The following EDRF1 variants were observed in gnomAD, a reference collection of about 807,000 sequenced individuals.
The protein encoded by EDRF1 is erythroid differentiation-related factor 1.
In EDRF1, 69 loss-of-function variants were observed where a neutral mutation model predicts 148.7. The ratio of observed to expected loss-of-function variants is 0.46; its 90% CI spans 0.38 to 0.57. The LOEUF (loss-of-function observed/expected upper bound fraction) is 0.57, where lower values mean the gene tolerates loss of function less well. EDRF1 is among the 20% of genes least tolerant of loss of function. The pLI, the probability that EDRF1 is intolerant of heterozygous loss-of-function variation, is 0.00. For missense variants in EDRF1, 1,118 were observed against 1,478.7 expected (o/e 0.76, Z 4.00); for synonymous variants, 515 against 532.8 (o/e 0.97, Z 0.46).
chr10:125,744,532 T>C (rs1459036089), intron 18 of EDRF1, among the ~76,000 whole-genome samples: 1 of 152,150 alleles, frequency 6.6e-6, no homozygotes, highest in African/African-American at 2.4e-5. Context: ...GGGATACAAA[T>C]GTTGCCCTCA....
chr10:125,756,634 A>C (rs1249333317), intron 24 of EDRF1: 4 of 302,600 alleles, frequency 1.3e-5, no homozygotes, highest in Non-Finnish European at 2.5e-5. Flanking sequence ...CACACGTAGG[A>C]TTGTGATATC....
At chr10:125,762,489 T>TA (rs546420898) in intron 24 of EDRF1, among the ~76,000 whole-genome samples, 8,294 of 141,376 alleles carry the variant, frequency 0.059, 677 homozygotes, top group African/African-American at 0.18. Flanking sequence ...TGGACTCATT[T>TA]AAAAAAAAAA....
Position 125,719,779 on chromosome 10 carries a change from C to T in EDRF1, c.-29C>T, listed in dbSNP as rs553135769. ...TGCTGCTGCTGCTCCTCCGCTCCCC[C>T]GTCGTATCGCCTGCCCTGGATCGAA... On this transcript the variant is annotated 5_prime_UTR_variant, in exon 1 of 25. Transcript: ENST00000356792. 32 of 1,584,312 alleles carry T rather than the reference C, an allele frequency of 2.0e-5. No individual in the cohort carries two copies. Among genetic ancestry groups the T allele is most frequent in the Non-Finnish European group, 2.8e-5 (32 of 1,159,458 alleles).
chr10:125,735,701 A>G lies in EDRF1; in HGVS notation c.1555A>G (p.Lys519Glu), dbSNP rs1309523820. The G allele has an allele frequency of 2.5e-6, 4 of 1,613,574 alleles. No individual in the cohort carries two copies. The highest frequency in any genetic ancestry group is 2.5e-6 in the Non-Finnish European group (3 of 1,179,612). Reference sequence around the variant, plus strand: ...ACTTTTTCAATTGGATGAACCTAAAAAGGAAGAAAATTCAGAATCTCCTTT... The same window carrying G: ...ACTTTTTCAATTGGATGAACCTAAAGAGGAAGAAAATTCAGAATCTCCTTT... ...SELFQLDEPK[K>E]EENSESPLNE... Residue 519 changes from lysine to glutamate, a missense_variant, in exon 13 of 25, where the codon AAG becomes GAG. Coordinates refer to ENST00000356792, the MANE Select transcript of EDRF1 (RefSeq NM_001202438.2).
intron 23 of EDRF1, among the ~76,000 whole-genome samples, chr10:125,753,329 G>A (rs543948714): frequency 1.3e-4 from 20 of 152,228 alleles, no homozygotes; most frequent in African/African-American, 4.8e-4. Flanking sequence ...TCGTTTTCTG[G>A]GCATTCCGGC....
At chr10:125,756,435 TGTCAGTTAG>T (rs1849900199) in intron 24 of EDRF1, among the ~76,000 whole-genome samples, 1 of 152,212 alleles carries the variant, frequency 6.6e-6, no homozygotes, top group South Asian at 2.1e-4. Context: ...ATTGTGTAAA[TGTCAGTTAG>T]GTTAAGCGTG....
Position 125,741,221 on chromosome 10 carries a change from C to CA in EDRF1, c.2371+21dup. On this transcript the variant is annotated intron_variant, in intron 17 of 24. Transcript: ENST00000356792. ...GCCAAGGTGTGCCACAGGCTTGGAC[C>CA]ACGTGGTTCACAGTGGGACTGTGCA... 6.2e-7 allele frequency: 1 copy of CA among 1,610,620 alleles called. No homozygotes were observed. The highest frequency in any genetic ancestry group is 8.5e-7 in the Non-Finnish European group (1 of 1,176,944).
chr10:125,757,199 AATT>A (rs1849946434), intron 24 of EDRF1: 1 of 181,084 alleles, frequency 5.5e-6, no homozygotes, highest in Non-Finnish European at 1.2e-5. Flanking sequence ...GCCTTCTGTT[AATT>A]ATTTTCTGTG....
chr10:125,725,001 G>A (rs1161650908), intron 4 of EDRF1, among the ~76,000 whole-genome samples: 1 of 152,162 alleles, frequency 6.6e-6, no homozygotes, highest in East Asian at 1.9e-4. Context: ...GCAGTTCATT[G>A]TTTGGGGTTA....
Position 125,741,183 on chromosome 10 carries a change from A to G in EDRF1, c.2353A>G (p.Arg785Gly). ...EDQEILHSLH[R>G]ESSCQGFAWA... ...CCAGGAGATCCTGCATAGCCTTCACAGAGAGTCCAGTTGCCAAGGTGTGCC... is the reference window on the plus strand; with the variant it reads ...CCAGGAGATCCTGCATAGCCTTCACGGAGAGTCCAGTTGCCAAGGTGTGCC... Residue 785 changes from arginine (R) to glycine (G), a missense_variant, in exon 17 of 25, where the codon AGA becomes GGA. By Grantham distance (125) the Arg-to-Gly change is moderately radical. Transcript: ENST00000356792. 1 of 1,614,214 alleles carries G rather than the reference A, an allele frequency of 6.2e-7. No individual in the cohort carries two copies. Among genetic ancestry groups the G allele is most frequent in the Non-Finnish European group, 8.5e-7 (1 of 1,180,028 alleles).
At position 125,738,438 on chromosome 10, in the gene EDRF1, G is replaced by T; in HGVS notation, c.1974G>T (p.Leu658Phe). 1 of 1,613,938 alleles carries T rather than the reference G, an allele frequency of 6.2e-7. No individual in the cohort carries two copies. The highest frequency in any genetic ancestry group is 8.5e-7 in the Non-Finnish European group (1 of 1,179,934). ...TAGAGAAGCAGATGGCCTTGTTTTTGGACAAAAGTAAGTTGAATTGATGTG... is the reference window on the plus strand; with the variant it reads ...TAGAGAAGCAGATGGCCTTGTTTTTTGACAAAAGTAAGTTGAATTGATGTG... ...EGLEKQMALF[L>F]DKMGSLQKGN... The change falls in exon 15 of 25, where the codon TTG becomes TTT. Residue 658 changes from leucine to phenylalanine, a missense_variant. Leu to Phe is a conservative substitution (Grantham distance 22). This residue lies in a region of EDRF1 where 954 missense variants were observed against 1,241.4 expected (regional missense o/e 0.77). Transcript: ENST00000356792.
Position 125,735,796 on chromosome 10 carries a change from C to G in EDRF1, c.1650C>G (p.Ser550=), listed in dbSNP as rs1404172295. ...EEMPDSDENG[S]YSTSSDPSDD... ...TGCCCGACAGTGATGAAAATGGATC[C>G]TATAGCACCAGCTCTGATCCATCAG... is the stretch of plus-strand genomic sequence containing the variant. Residue 550 remains serine (S), a synonymous_variant, in exon 13 of 25, where the codon TCC becomes TCG. Transcript: ENST00000356792. The G allele has an allele frequency of 3.7e-6, 6 of 1,613,754 alleles. No homozygotes were observed. In the East Asian group the frequency reaches 1.3e-4, roughly 36 times the overall value.
rs1275066739 is a variant in EDRF1, at chr10:125,729,195, ACTC to A, written c.894+93_894+95del. 1.2e-5 allele frequency: 17 copies of A among 1,455,540 alleles called. No individual in the cohort carries two copies. In the Admixed American group the frequency reaches 3.4e-4, roughly 29 times the overall value. The allele number at this position is 1,455,540 out of a possible 1,614,324, so 90.2% of individuals were successfully genotyped here. ...CCTAAGTCGAAATTGATAGGGAAAA[ACTC>A]CACTTGATCCTGAAACTGCTTTCTA... On this transcript the variant is annotated intron_variant, in intron 7 of 24. Coordinates refer to ENST00000356792, the MANE Select transcript of EDRF1 (RefSeq NM_001202438.2).
At chr10:125,720,369 T>C (rs1352924055) in intron 1 of EDRF1, among the ~76,000 whole-genome samples, 2 of 152,132 alleles carry the variant, frequency 1.3e-5, no homozygotes, top group African/African-American at 4.8e-5. Context: ...GAACCCCCAA[T>C]GCCTTTCTAT....
In EDRF1 at chr10:125,737,997, T is replaced by G; in HGVS notation, c.1830+8T>G. On this transcript the variant is annotated splice_region_variant and intron_variant, in intron 14 of 24. Coordinates refer to ENST00000356792, the MANE Select transcript of EDRF1 (RefSeq NM_001202438.2). ...CTTAGCTATGTTCTAGAGGTAAGTTTAAGTTTAGTCTTCACTTTTTTCGTA... is the reference window on the plus strand; with the variant it reads ...CTTAGCTATGTTCTAGAGGTAAGTTGAAGTTTAGTCTTCACTTTTTTCGTA... 1.2e-6 allele frequency: 2 copies of G among 1,613,406 alleles called. No homozygotes were observed. The highest frequency in any genetic ancestry group is 1.7e-6 in the Non-Finnish European group (2 of 1,179,374).
At chr10:125,756,665 T>A in intron 24 of EDRF1, 1 of 324,010 alleles carries the variant, frequency 3.1e-6, no homozygotes, top group South Asian at 2.5e-5. Flanking sequence ...GACCTCCTTA[T>A]TACTACAGAT....
chr10:125,731,143 T>C (rs1848467369), intron 9 of EDRF1, among the ~76,000 whole-genome samples: 1 of 151,856 alleles, frequency 6.6e-6, no homozygotes, highest in Non-Finnish European at 1.5e-5. Context: ...CAAGACCCTG[T>C]CTCAAAAAAA....
chr10:125,725,587 G>A, intron 5 of EDRF1, 95 bp from the exon 6 acceptor site: 1 of 1,571,026 alleles, frequency 6.4e-7, no homozygotes, highest in Non-Finnish European at 8.7e-7. Flanking sequence ...CAAGATGTAT[G>A]CTTAATTACA....
chr10:125,736,148 A>G (rs1231384960), intron 13 of EDRF1, among the ~76,000 whole-genome samples: 2 of 152,034 alleles, frequency 1.3e-5, no homozygotes, highest in Admixed American at 6.6e-5. Flanking sequence ...TATGTGAAGG[A>G]TTTTCCTTTC....
Sources: allele counts gnomAD v4.1 joint callset (sites outside exome capture counted in the v4.1 genomes callset), GRCh38; gene constraint gnomAD v4.1.1; regional missense constraint gnomAD v4.1.1; transcripts MANE v1.5; gene names NCBI Gene and HGNC (gene_info 2026-07-23, HGNC 2026-07-21).